TMEM181: variants seen among roughly 807,000 people sequenced by gnomAD.
TMEM181 encodes transmembrane protein 181.
A neutral mutation model predicts 71.9 loss-of-function variants in TMEM181; 39 were observed. The ratio of observed to expected loss-of-function variants is 0.54; its 90% CI spans 0.42 to 0.71. The LOEUF (loss-of-function observed/expected upper bound fraction) is 0.71, where lower values mean the gene tolerates loss of function less well. Among genes scored for constraint, TMEM181 ranks in the 30% least tolerant of loss-of-function variants. The probability of loss-of-function intolerance (pLI) is 0.00; values close to 1 mark genes in which losing one functional copy is unlikely to be tolerated. For missense variants in TMEM181, 595 were observed against 583.0 expected (o/e 1.02, Z -0.21); for synonymous variants, 245 against 228.8 (o/e 1.07, Z -0.64).
At chr6:158,574,364 ACTT>A (rs1258301540) in intron 2 of TMEM181, among the ~76,000 whole-genome samples, 1 of 152,198 alleles carries the variant, frequency 6.6e-6, no homozygotes, top group East Asian at 1.9e-4. Flanking sequence ...GCTGTAGCCA[ACTT>A]CTTTTCTTTC....
intron 11 of TMEM181, among the ~76,000 whole-genome samples, 155 bp downstream of exon 11, chr6:158,623,762 ATTT>A (rs34320485): frequency 2.8e-5 from 4 of 144,018 alleles, no homozygotes; most frequent in Non-Finnish European, 4.6e-5. Context: ...ATTTGGGGAA[ATTT>A]TTTTTTTTTT....
At chr6:158,558,747 T>C (rs1216761343), upstream of TMEM181, among the ~76,000 whole-genome samples, 1 of 152,142 alleles carries the variant, frequency 6.6e-6, no homozygotes, top group Non-Finnish European at 1.5e-5. Context: ...GGCCTAAACA[T>C]TTAACAGAAG....
intron 6 of TMEM181, among the ~76,000 whole-genome samples, chr6:158,600,995 C>G (rs957087318): frequency 2.0e-5 from 3 of 151,774 alleles, no homozygotes; most frequent in Admixed American, 1.3e-4. Flanking sequence ...CTTGACTGTG[C>G]GTTAGAGTAT....
chr6:158,585,650 G>A (rs1272086561), intron 5 of TMEM181, among the ~76,000 whole-genome samples: 2 of 152,154 alleles, frequency 1.3e-5, no homozygotes, highest in Admixed American at 1.3e-4. Context: ...TCACACATCC[G>A]TAAACACACG....
chr6:158,579,327 A>G (rs1042470222), intron 2 of TMEM181, among the ~76,000 whole-genome samples: 5 of 152,070 alleles, frequency 3.3e-5, no homozygotes. Context: ...CATTATTCAC[A>G]ATAACAAACT....
At chr6:158,622,598 T>A (rs1404348360) in intron 10 of TMEM181, among the ~76,000 whole-genome samples, 1 of 152,208 alleles carries the variant, frequency 6.6e-6, no homozygotes, top group Non-Finnish European at 1.5e-5. Flanking sequence ...TAGGGAATGC[T>A]TTTTTCTGGA....
At chr6:158,565,234 C>T (rs552662312) in intron 1 of TMEM181, among the ~76,000 whole-genome samples, 6 of 152,352 alleles carry the variant, frequency 3.9e-5, no homozygotes, top group South Asian at 2.1e-4. Context: ...TGAGTGCTTG[C>T]GGACTGCTCG....
intron 1 of TMEM181, among the ~76,000 whole-genome samples, chr6:158,554,243 G>A (rs1781807612): frequency 6.6e-6 from 1 of 152,038 alleles, no homozygotes; most frequent in African/African-American, 2.4e-5. Context: ...CTGCCACCAC[G>A]CCCGGCTAAT....
chr6:158,608,521 A>G, intron 9 of TMEM181, 58 bp downstream of exon 9: 1 of 1,612,928 alleles, frequency 6.2e-7, no homozygotes, highest in South Asian at 1.1e-5. Flanking sequence ...CTCCCTCCCG[A>G]ACTCTGAGGA....
chr6:158,539,486 T>C (rs1483172469), intron 1 of TMEM181, among the ~76,000 whole-genome samples: 1 of 152,174 alleles, frequency 6.6e-6, no homozygotes, highest in Non-Finnish European at 1.5e-5. Flanking sequence ...CATTTCCTTA[T>C]TGGTGGTTTA....
intron 2 of TMEM181, among the ~76,000 whole-genome samples, chr6:158,576,278 C>T (rs1783149761): frequency 6.6e-6 from 1 of 152,142 alleles, no homozygotes; most frequent in Non-Finnish European, 1.5e-5. Context: ...GTTCCTAGCG[C>T]TTATAGAAAC....
intron 1 of TMEM181, among the ~76,000 whole-genome samples, chr6:158,548,057 C>T (rs1295624111): frequency 6.6e-6 from 1 of 152,170 alleles, no homozygotes; most frequent in East Asian, 1.9e-4. Context: ...CTGGCAGCCA[C>T]AGGCCTGGCT....
At chr6:158,553,703 A>G (rs539289260) in intron 1 of TMEM181, among the ~76,000 whole-genome samples, 2 of 152,344 alleles carry the variant, frequency 1.3e-5, no homozygotes, top group Admixed American at 6.5e-5. Context: ...TTGTGCAGAC[A>G]TTTTTATTTT....
At position 158,565,534 on chromosome 6, in the gene TMEM181, G is replaced by A. The variant is rs189559495; in HGVS notation, c.8+5302G>A. Among the ~76,000 whole-genome samples, 249 of 152,340 alleles carry A rather than the reference G, an allele frequency of 1.6e-3. 1 individual carries two copies. The highest frequency in any genetic ancestry group is 5.6e-3 in the African/African-American group (231 of 41,580). On this transcript the variant is annotated intron_variant, in intron 1 of 16. Coordinates refer to ENST00000684151, the MANE Select transcript of TMEM181 (RefSeq NM_001376852.1). ...GCCACAGACAGCAGGAAGAGACAACGCTGGGGGGAGAAAGTTCAATGTTGC... is the reference window on the plus strand; with the variant it reads ...GCCACAGACAGCAGGAAGAGACAACACTGGGGGGAGAAAGTTCAATGTTGC...
chr6:158,630,314 A>G (rs1372050523), intron 15 of TMEM181, among the ~76,000 whole-genome samples: 1 of 152,046 alleles, frequency 6.6e-6, no homozygotes, highest in Non-Finnish European at 1.5e-5. Context: ...TGGGGAACAA[A>G]ATAGGGACCC....
At chr6:158,574,662 C>G (rs1260306725) in intron 2 of TMEM181, among the ~76,000 whole-genome samples, 1 of 152,206 alleles carries the variant, frequency 6.6e-6, no homozygotes, top group Non-Finnish European at 1.5e-5. Context: ...TCTACATCCC[C>G]TTCTTTCTTT....
At chr6:158,625,900 G>A (rs1786247833) in intron 13 of TMEM181, 146 bp downstream of exon 13, 3 of 741,238 alleles carry the variant, frequency 4.0e-6, no homozygotes, top group Middle Eastern at 2.3e-4. Flanking sequence ...CACCAAGGCT[G>A]GGCAGCCGAG....
At chr6:158,558,862 C>T (rs1214121698), upstream of TMEM181, among the ~76,000 whole-genome samples, 3 of 152,156 alleles carry the variant, frequency 2.0e-5, no homozygotes. Context: ...GAACTCCCTC[C>T]GACTCACCCC....
At chr6:158,554,085 T>C (rs1353813756) in intron 1 of TMEM181, among the ~76,000 whole-genome samples, 1 of 151,502 alleles carries the variant, frequency 6.6e-6, no homozygotes, top group African/African-American at 2.4e-5. Flanking sequence ...TTTTTTATTT[T>C]ATTTTATTTT....
Sources: allele counts gnomAD v4.1 joint callset (sites outside exome capture counted in the v4.1 genomes callset), GRCh38; gene constraint gnomAD v4.1.1; transcripts MANE v1.5; gene names NCBI Gene and HGNC (gene_info 2026-07-23, HGNC 2026-07-21).